ADAMTSL3: variants seen among roughly 807,000 people sequenced by gnomAD.
The protein encoded by ADAMTSL3 is ADAMTS-like protein 3.
Under a neutral mutation model 201.7 loss-of-function variants are expected in ADAMTSL3, and 128 were observed. The ratio of observed to expected loss-of-function variants is 0.63; its 90% CI spans 0.55 to 0.73. The LOEUF is 0.73. Among genes scored for constraint, ADAMTSL3 ranks in the 30% least tolerant of loss-of-function variants. The pLI is 0.00. For synonymous variants in ADAMTSL3, 738 were observed against 748.4 expected (o/e 0.99, Z 0.23); for missense variants, 1,990 against 2,119.6 (o/e 0.94, Z 1.20).
At chr15:83,945,387 G>A (rs954069586) in intron 19 of ADAMTSL3, among the ~76,000 whole-genome samples, 1 of 152,190 alleles carries the variant, frequency 6.6e-6, no homozygotes, top group Non-Finnish European at 1.5e-5. Flanking sequence ...TCTGTCTGGA[G>A]AGCTTTGTGT....
chr15:83,674,789 A>ATATATAT (rs1283432862), intron 2 of ADAMTSL3, among the ~76,000 whole-genome samples: 12 of 134,294 alleles, frequency 8.9e-5, no homozygotes, highest in Non-Finnish European at 9.8e-5. Flanking sequence ...ATATATATAT[A>ATATATAT]AATCTTGCTG....
At chr15:84,014,101 C>T (rs1376658571) in intron 23 of ADAMTSL3, among the ~76,000 whole-genome samples, 2 of 152,212 alleles carry the variant, frequency 1.3e-5, no homozygotes, top group African/African-American at 4.8e-5. Context: ...CAGCAAACAA[C>T]TTAAAGACCT....
intron 16 of ADAMTSL3, among the ~76,000 whole-genome samples, chr15:83,915,312 A>G (rs143866534): frequency 5.9e-5 from 9 of 152,280 alleles, no homozygotes; most frequent in Non-Finnish European, 1.5e-5. Flanking sequence ...AACTCAGCAG[A>G]CCAATCAGAG....
intron 17 of ADAMTSL3, among the ~76,000 whole-genome samples, chr15:83,939,367 TTTAACTTAA>T (rs1218073721): frequency 2.0e-5 from 3 of 152,176 alleles, no homozygotes; most frequent in African/African-American, 7.2e-5. Context: ...AAATAACAAA[TTTAACTTAA>T]TAGATATAAG....
In ADAMTSL3 at chr15:83,990,761, CT is replaced by C. The variant is rs563684745; in HGVS notation, c.3845-316del. Among the ~76,000 whole-genome samples the C allele has an allele frequency of 2.6e-4, 39 of 150,972 alleles. No individual in the cohort carries two copies. The East Asian group carries it at 4.9e-3, about 19-fold the overall frequency. On this transcript the variant is annotated intron_variant, in intron 22 of 29. Transcript: ENST00000286744. ...TTGCTTCTTATGAGCTTCTGAATTCCTTTTTTTTTCAAATTATCAAAGAGGA... is the reference window on the plus strand; with the variant it reads ...TTGCTTCTTATGAGCTTCTGAATTCCTTTTTTTTCAAATTATCAAAGAGGA...
chr15:83,885,023 C>T (rs553981728), intron 9 of ADAMTSL3, 78 bp from the exon 10 acceptor site: 264 of 935,502 alleles, frequency 2.8e-4, no homozygotes, highest in Non-Finnish European at 4.1e-4. Context: ...ACATGAAGAA[C>T]ATTTATCTTA....
Position 83,890,169 on chromosome 15 carries a change from A to T in ADAMTSL3, c.1133A>T (p.His378Leu). The change falls in exon 11 of 30, where the codon CAT becomes CTT. Residue 378 changes from histidine (H) to leucine (L), a missense_variant. His to Leu is a moderately conservative substitution (Grantham distance 99, BLOSUM62 -3). Coordinates refer to ENST00000286744, the MANE Select transcript of ADAMTSL3 (RefSeq NM_207517.3). ...CGCTTGAAGAGGGTAGTTCCTGACC[A>T]TTATTGTCACTACTACCCTGAAAAT... ...DIRLKRVVPD[H>L]YCHYYPENVK... 1.9e-6 allele frequency: 3 copies of T among 1,614,032 alleles called. No homozygotes were observed. The highest frequency in any genetic ancestry group is 1.7e-6 in the Non-Finnish European group (2 of 1,179,892).
intron 20 of ADAMTSL3, among the ~76,000 whole-genome samples, chr15:83,973,782 A>G (rs1391415111): frequency 2.0e-5 from 3 of 152,162 alleles, no homozygotes; most frequent in African/African-American, 4.8e-5. Context: ...TTAGAAATGT[A>G]TGATCTACTC....
intron 14 of ADAMTSL3, among the ~76,000 whole-genome samples, chr15:83,899,418 C>T (rs1000642313): frequency 4.5e-5 from 4 of 88,940 alleles, no homozygotes; most frequent in Non-Finnish European, 8.1e-5. Flanking sequence ...TCAACTGTAT[C>T]ATGTGATCAT....
intron 4 of ADAMTSL3, among the ~76,000 whole-genome samples, chr15:83,795,260 GCAGCAA>G (rs773009515): frequency 1.2e-4 from 11 of 92,884 alleles, no homozygotes; most frequent in African/African-American, 6.1e-4. Flanking sequence ...AACAACAGCA[GCAGCAA>G]CAACAACAAC....
At chr15:83,784,022 T>C (rs2063220364) in intron 4 of ADAMTSL3, among the ~76,000 whole-genome samples, 2 of 152,192 alleles carry the variant, frequency 1.3e-5, no homozygotes, top group African/African-American at 4.8e-5. Flanking sequence ...TATGTTATTA[T>C]GGGGACTGAA....
chr15:84,008,944 C>T (rs2067952924), intron 23 of ADAMTSL3, among the ~76,000 whole-genome samples: 1 of 152,138 alleles, frequency 6.6e-6, no homozygotes, highest in Admixed American at 6.6e-5. Flanking sequence ...CTACCCCACC[C>T]CCATCAAATT....
intron 8 of ADAMTSL3, among the ~76,000 whole-genome samples, chr15:83,869,375 A>G (rs908214359): frequency 9.2e-5 from 14 of 152,074 alleles, no homozygotes; most frequent in African/African-American, 3.1e-4. Flanking sequence ...CCAAAAATCT[A>G]TTGCGGTCAT....
intron 4 of ADAMTSL3, among the ~76,000 whole-genome samples, chr15:83,801,648 A>T (rs1214766890): frequency 3.6e-5 from 1 of 27,602 alleles, no homozygotes; most frequent in East Asian, 2.7e-3. Context: ...ATATATAAAT[A>T]TAAATATATA....
At chr15:83,766,398 TGCGA>T (rs2062892102) in intron 3 of ADAMTSL3, among the ~76,000 whole-genome samples, 1 of 152,182 alleles carries the variant, frequency 6.6e-6, no homozygotes, top group Non-Finnish European at 1.5e-5. Context: ...CAGTCAGAAA[TGCGA>T]ATTCCTCATG....
intron 6 of ADAMTSL3, among the ~76,000 whole-genome samples, chr15:83,832,283 G>A (rs1260391221): frequency 1.3e-5 from 2 of 152,100 alleles, no homozygotes; most frequent in African/African-American, 4.8e-5. Flanking sequence ...TCTTATTAAT[G>A]GTCTAAATCC....
At chr15:83,713,123 C>T (rs867847869) in intron 3 of ADAMTSL3, among the ~76,000 whole-genome samples, 1 of 152,162 alleles carries the variant, frequency 6.6e-6, no homozygotes, top group Admixed American at 6.5e-5. Context: ...TCCTGGCCCA[C>T]TAGCCTAGTG....
At chr15:83,884,200 T>C (rs777269415) in intron 9 of ADAMTSL3, among the ~76,000 whole-genome samples, 1 of 151,006 alleles carries the variant, frequency 6.6e-6, no homozygotes, top group Non-Finnish European at 1.5e-5. Flanking sequence ...GCCACATTAA[T>C]CTTTTCTTAG....
chr15:83,952,257 A>T (rs2066771465), intron 19 of ADAMTSL3, among the ~76,000 whole-genome samples: 1 of 152,128 alleles, frequency 6.6e-6, no homozygotes, highest in South Asian at 2.1e-4. Flanking sequence ...GTGTATTTGT[A>T]CATTTTCCAA....
Sources: gnomAD v4.1 joint callset for allele counts (sites outside exome capture counted in the v4.1 genomes callset) on GRCh38, gnomAD v4.1.1 for gene constraint, MANE v1.5 for transcripts, NCBI Gene and HGNC (gene_info 2026-07-23, HGNC 2026-07-21) for gene names.